FDXR: variants seen among roughly 807,000 people sequenced by gnomAD.
FDXR encodes ferredoxin reductase, also known as NADPH:adrenodoxin oxidoreductase, mitochondrial.
FDXR carries 38 observed loss-of-function variants against 58.3 expected under a neutral mutation model. That is an observed-to-expected ratio of 0.65 (90% CI 0.50 to 0.85). The LOEUF is 0.85. Ranked by LOEUF, FDXR falls within the 40% of genes least tolerant of loss-of-function variation. The pLI, the probability that FDXR is intolerant of heterozygous loss-of-function variation, is 0.00. For synonymous variants in FDXR, 275 were observed against 273.8 expected, an observed-to-expected ratio of 1.00 and a Z score of -0.04; for missense variants, 624 against 671.0, an observed-to-expected ratio of 0.93 and a Z score of 0.77.
At chr17:74,868,263 C>T (rs1329345632) in intron 2 of FDXR, 6 of 568,916 alleles carry the variant, frequency 1.1e-5, no homozygotes, top group Non-Finnish European at 1.9e-5. Context: ...AACAGGTAGC[C>T]TTGGATGCCA....
At chr17:74,866,683 C>T (rs2038198226) in intron 3 of FDXR, 101 bp downstream of exon 3, 2 of 1,588,528 alleles carry the variant, frequency 1.3e-6, no homozygotes, top group Non-Finnish European at 8.6e-7. Flanking sequence ...GGCATGGGCA[C>T]AGACGGCATG....
intron 10 of FDXR, among the ~76,000 whole-genome samples, chr17:74,863,687 T>TA (rs2144645219): frequency 6.6e-6 from 1 of 152,326 alleles, no homozygotes; most frequent in African/African-American, 2.4e-5. Context: ...TTGAATGACT[T>TA]AATGACCCGA....
At chr17:74,866,357 C>T in intron 4 of FDXR, 89 bp downstream of exon 4, 1 of 1,577,932 alleles carries the variant, frequency 6.3e-7, no homozygotes, top group Non-Finnish European at 8.6e-7. Context: ...AGCTTGCATC[C>T]TGGCCTCACC....
At chr17:74,870,086 C>T (rs556667800) in intron 2 of FDXR, 6 of 396,088 alleles carry the variant, frequency 1.5e-5, no homozygotes, top group African/African-American at 1.2e-4. Context: ...GGAGCACAGC[C>T]AGTAGCTTGG....
Position 74,863,946 on chromosome 17 carries a change from G to A in FDXR, c.1124C>T (p.Ser375Phe), listed in dbSNP as rs752900111. The A allele has an allele frequency of 5.6e-6, 9 of 1,613,908 alleles. No homozygotes were observed. The South Asian group carries it at 9.9e-5, about 18-fold the overall frequency. Residue 375 changes from serine (S) to phenylalanine (F), a missense_variant, in exon 10 of 12, where the codon TCC becomes TTC. Physicochemically the swap from Ser to Phe is radical, Grantham distance 155. Transcript: ENST00000293195. Reference protein sequence around the residue: ...RPVDPSVPFDSKLGVIPNVEG... With the variant: ...RPVDPSVPFDFKLGVIPNVEG... ...CACATTGGGGATGACCCCAAGCTTG[G>A]AGTCAAAGGGCACGCTTGGGTCGAC...
In FDXR at chr17:74,872,083, C is replaced by A; in HGVS notation, c.130G>T (p.Val44Leu). The change falls in exon 2 of 12, where the codon GTG becomes TTG. Residue 44 changes from valine (V) to leucine (L), a missense_variant. Val to Leu is a conservative substitution (Grantham distance 32, BLOSUM62 1). Transcript: ENST00000293195. ...TAGAAGCCAGCTGGGCCACTGCCCA[C>A]CACACAGATCTGGGGGGTCTTCTCC... ...TQEKTPQICV[V>L]GSGPAGFYTA... The A allele has an allele frequency of 6.2e-7, 1 of 1,606,722 alleles. No individual in the cohort carries two copies. The highest frequency in any genetic ancestry group is 1.1e-5 in the South Asian group (1 of 90,080).
In FDXR at chr17:74,866,896, C is replaced by T. The variant is rs201031869; in HGVS notation, c.178-20G>A. 5.7e-5 allele frequency: 92 copies of T among 1,611,768 alleles called. 2 individuals are homozygous for T. The East Asian group carries it at 9.2e-4, about 16-fold the overall frequency. ...GGGGTGCTGCTGGGGAACAGGGTGGCAGCTGGTGGGGCCGAGAGAGAGAGG... is the reference window on the plus strand; with the variant it reads ...GGGGTGCTGCTGGGGAACAGGGTGGTAGCTGGTGGGGCCGAGAGAGAGAGG... On this transcript the variant is annotated intron_variant, in intron 2 of 11. Coordinates refer to ENST00000293195, the MANE Select transcript of FDXR (RefSeq NM_024417.5).
Position 74,868,513 on chromosome 17 carries a change from C to T in FDXR, c.178-1637G>A, listed in dbSNP as rs138173495. The T allele has an allele frequency of 1.2e-4, 168 of 1,425,648 alleles. No homozygotes were observed. In the African/African-American group the frequency reaches 2.0e-3, roughly 17 times the overall value. 88.3% of individuals were successfully genotyped at this position (1,425,648 alleles called of 1,614,324 possible). On this transcript the variant is annotated intron_variant, in intron 2 of 11. Transcript: ENST00000293195. ...GCCACAGCATAAAGTTCAAACTGCT[C>T]GGCCTAGAGGTCAACACCTCACCCA...
At chr17:74,870,908 T>C (rs1310269308) in intron 2 of FDXR, among the ~76,000 whole-genome samples, 1 of 147,624 alleles carries the variant, frequency 6.8e-6, no homozygotes, top group African/African-American at 2.5e-5. Flanking sequence ...GTTCAAGCGA[T>C]CCTCCCGACT....
At chr17:74,865,633 G>T (rs2038147879) in intron 6 of FDXR, 86 bp downstream of exon 6, 2 of 898,496 alleles carry the variant, frequency 2.2e-6, no homozygotes, top group South Asian at 1.5e-5. Context: ...AGCTTGGAGA[G>T]GTAAGGCCTG....
In FDXR at chr17:74,862,755, C is replaced by T. The variant is rs768871114; in HGVS notation, c.*62G>A. On this transcript the variant is annotated 3_prime_UTR_variant, in exon 12 of 12. Coordinates refer to ENST00000293195, the MANE Select transcript of FDXR (RefSeq NM_024417.5). ...AGGTGCAAAGTCCCACTCAGACGGA[C>T]CCAGCCCTTCCCCTCCCAACACTCA... 1.2e-4 allele frequency: 191 copies of T among 1,550,874 alleles called. No homozygotes were observed. The highest frequency in any genetic ancestry group is 7.0e-4 in the Middle Eastern group (3 of 4,316).
At chr17:74,871,715 G>T (rs1259001924) in intron 2 of FDXR, among the ~76,000 whole-genome samples, 1 of 152,194 alleles carries the variant, frequency 6.6e-6, no homozygotes. Flanking sequence ...AGACGAGAGA[G>T]GAGGGAAGAT....
intron 10 of FDXR, 123 bp from the exon 11 acceptor site, chr17:74,863,369 C>CGGCCACAGCA: frequency 1.1e-6 from 1 of 943,198 alleles, no homozygotes; most frequent in Non-Finnish European, 1.6e-6. Context: ...GGCAGACTGT[C>CGGCCACAGCA]GGCTGAGCCT....
chr17:74,869,632 C>G (rs1328879389), intron 2 of FDXR, among the ~76,000 whole-genome samples: 1 of 152,170 alleles, frequency 6.6e-6, no homozygotes, highest in Non-Finnish European at 1.5e-5. Flanking sequence ...ATCTCTCCCT[C>G]CAGACTGGGC....
chr17:74,864,170 C>A lies in FDXR; in HGVS notation c.980G>T (p.Arg327Leu). ...SPDGRRAAGV[R>L]LAVTRLEGVD... ...CACCTCCAGTCTAGTGACTGCTAGG[C>A]GGACACCTGCTGCCCGCCGCCCATC... The change falls in exon 9 of 12, where the codon CGC (arginine) becomes CTC (leucine). Residue 327 changes from arginine (R) to leucine (L), a missense_variant. Coordinates refer to ENST00000293195, the MANE Select transcript of FDXR (RefSeq NM_024417.5). 1 of 1,612,736 alleles carries A rather than the reference C, an allele frequency of 6.2e-7. No individual in the cohort carries two copies. The highest frequency in any genetic ancestry group is 1.7e-4 in the Middle Eastern group (1 of 6,060).
rs1168237892 is a variant in FDXR at position 74,870,516 on chromosome 17, C to CAAAAA, written c.177+1515_177+1519dup. 4.2e-4 allele frequency among the ~76,000 whole-genome samples: 23 copies of CAAAAA among 54,946 alleles called. 1 individual carries two copies. Among genetic ancestry groups the CAAAAA allele is most frequent in the South Asian group, 1.1e-3 (1 of 890 alleles). 36.0% of individuals were successfully genotyped at this position (54,946 alleles called of 152,430 possible). On this transcript the variant is annotated intron_variant, in intron 2 of 11. Transcript: ENST00000293195. ...TGGGCGACAGAGCCAGACTCCATCT[C>CAAAAA]AAAAAAAAAAAAAAAAAAAAAAGAA...
chr17:74,868,704 T>C, intron 2 of FDXR: 1 of 1,529,080 alleles, frequency 6.5e-7, no homozygotes, highest in Non-Finnish European at 8.8e-7. Context: ...CTTCCTTCCT[T>C]CCCTCCCTCC....
chr17:74,871,600 G>A (rs2038376887), intron 2 of FDXR, among the ~76,000 whole-genome samples: 1 of 152,216 alleles, frequency 6.6e-6, no homozygotes. Flanking sequence ...TGGCACGGAG[G>A]ACTGGAGCTA....
chr17:74,872,600 C>A (rs2038410758), intron 1 of FDXR: 9 of 725,896 alleles, frequency 1.2e-5, no homozygotes, highest in Non-Finnish European at 1.8e-5. Flanking sequence ...ACCTCCGTAT[C>A]ATCCTCCATT....
Sources: gnomAD v4.1 joint callset for allele counts (sites outside exome capture counted in the v4.1 genomes callset) on GRCh38, gnomAD v4.1.1 for gene constraint, MANE v1.5 for transcripts, NCBI Gene and HGNC (gene_info 2026-07-23, HGNC 2026-07-21) for gene names.